Variants in ME3 observed in about 807,000 individuals in gnomAD.
ME3 encodes NADP-dependent malic enzyme, mitochondrial.
ME3 carries 48 observed loss-of-function variants against 68.9 expected under a neutral mutation model. That is an observed-to-expected ratio of 0.70 (90% CI 0.55 to 0.89). The LOEUF is 0.89. Ranked by LOEUF, ME3 falls within the 40% of genes least tolerant of loss-of-function variation. The pLI, the probability that ME3 is intolerant of heterozygous loss-of-function variation, is 0.00. For missense variants in ME3, 675 were observed against 797.4 expected (o/e 0.85, Z 1.85); for synonymous variants, 320 against 318.8 (o/e 1.00, Z -0.04).
chr11:86,496,643 C>T (rs547846493), intron 6 of ME3, among the ~76,000 whole-genome samples: 1 of 152,214 alleles, frequency 6.6e-6, no homozygotes, highest in South Asian at 2.1e-4. Flanking sequence ...GACAAAGACT[C>T]ATCTGCAAAA....
In ME3 at chr11:86,480,723, C is replaced by T. The variant is rs114325863; in HGVS notation, c.809+6614G>A. 6.1e-3 allele frequency among the ~76,000 whole-genome samples: 928 copies of T among 152,292 alleles called. 8 individuals carry two copies. Among genetic ancestry groups the T allele is most frequent in the African/African-American group, 0.021 (888 of 41,558 alleles). ...CACATGTAGAAATGCAATTATTCCC[C>T]GCATGAAAGCAGCTGAAGTTCCTCA... is the stretch of plus-strand genomic sequence containing the variant. On this transcript the variant is annotated intron_variant, in intron 7 of 14. Transcript: ENST00000543262.
chr11:86,554,856 G>C (rs1449636655), intron 4 of ME3, among the ~76,000 whole-genome samples: 1 of 152,182 alleles, frequency 6.6e-6, no homozygotes, highest in Non-Finnish European at 1.5e-5. Flanking sequence ...GACCCTTCAA[G>C]AAGTTTGTAT....
chr11:86,499,525 G>T (rs187782308), intron 5 of ME3, among the ~76,000 whole-genome samples: 5 of 152,262 alleles, frequency 3.3e-5, no homozygotes, highest in Non-Finnish European at 4.4e-5. Context: ...CTGGGCAATG[G>T]GGGTAAAGAG....
chr11:86,650,067 G>A (rs1647997932), intron 2 of ME3, among the ~76,000 whole-genome samples: 1 of 152,152 alleles, frequency 6.6e-6, no homozygotes, highest in Non-Finnish European at 1.5e-5. Context: ...ATACTACGAT[G>A]CTACAGTAAA....
intron 2 of ME3, among the ~76,000 whole-genome samples, chr11:86,653,508 C>A (rs1945624221): frequency 6.6e-6 from 1 of 152,082 alleles, no homozygotes; most frequent in African/African-American, 2.4e-5. Context: ...GGGTACATAA[C>A]AAAATGAAGG....
intron 7 of ME3, among the ~76,000 whole-genome samples, chr11:86,465,614 C>T (rs1950439812): frequency 6.6e-6 from 1 of 152,172 alleles, no homozygotes; most frequent in African/African-American, 2.4e-5. Flanking sequence ...ACCAGCTTCC[C>T]CACCACAAGT....
intron 7 of ME3, among the ~76,000 whole-genome samples, chr11:86,474,052 A>T (rs1474832371): frequency 6.6e-6 from 1 of 152,146 alleles, no homozygotes; most frequent in Admixed American, 6.5e-5. Flanking sequence ...TGGTCACCGG[A>T]GCTCCACTTG....
chr11:86,646,091 G>A (rs1944993227), intron 2 of ME3, among the ~76,000 whole-genome samples: 1 of 152,198 alleles, frequency 6.6e-6, no homozygotes, highest in Non-Finnish European at 1.5e-5. Flanking sequence ...CCACGAAGAT[G>A]AGGAAAAACC....
intron 2 of ME3, among the ~76,000 whole-genome samples, chr11:86,614,301 G>C (rs1942800689): frequency 6.6e-6 from 1 of 152,196 alleles, no homozygotes; most frequent in Non-Finnish European, 1.5e-5. Flanking sequence ...CAACACTGGA[G>C]ACTGCAAAGC....
chr11:86,532,001 A>G lies in ME3; in HGVS notation c.468-23134T>C, dbSNP rs112442772. Among the ~76,000 whole-genome samples, 32 of 151,566 alleles carry G rather than the reference A, an allele frequency of 2.1e-4. 1 individual carries two copies. The South Asian group carries it at 4.6e-3, about 22-fold the overall frequency. On this transcript the variant is annotated intron_variant, in intron 4 of 14. Transcript: ENST00000543262. ...TTAAAAAAAACCAAACCAAAAAAAA[A>G]CCAGAAACTGAAAGTGGAGGGATGG...
intron 2 of ME3, among the ~76,000 whole-genome samples, chr11:86,560,130 C>T (rs1328545514): frequency 6.6e-6 from 1 of 151,638 alleles, no homozygotes; most frequent in East Asian, 1.9e-4. Context: ...TCTCTGTGTC[C>T]CCACCCAAAT....
intron 2 of ME3, among the ~76,000 whole-genome samples, chr11:86,584,752 A>G (rs948661916): frequency 2.0e-5 from 3 of 152,230 alleles, no homozygotes; most frequent in Non-Finnish European, 4.4e-5. Flanking sequence ...TCCTACTCAT[A>G]GAAGCAAATA....
chr11:86,464,949 A>T (rs1418652253), intron 8 of ME3, 142 bp downstream of exon 8: 1 of 625,578 alleles, frequency 1.6e-6, no homozygotes, highest in South Asian at 1.9e-5. Flanking sequence ...AGTTGAATCT[A>T]AGTTTAATAT....
intron 2 of ME3, among the ~76,000 whole-genome samples, chr11:86,653,663 C>A (rs1460707094): frequency 2.0e-5 from 3 of 152,156 alleles, no homozygotes; most frequent in Non-Finnish European, 2.9e-5. Context: ...ACAATTGACA[C>A]CCTAACATCA....
intron 7 of ME3, among the ~76,000 whole-genome samples, chr11:86,468,638 C>A (rs1185366933): frequency 6.6e-6 from 1 of 152,204 alleles, no homozygotes; most frequent in African/African-American, 2.4e-5. Context: ...GAGAAAATTT[C>A]AAAGTGGAAA....
intron 2 of ME3, among the ~76,000 whole-genome samples, chr11:86,654,052 T>G (rs894332954): frequency 1.1e-4 from 16 of 152,058 alleles, no homozygotes; most frequent in African/African-American, 1.9e-4. Context: ...CCAGGAAGAA[T>G]TTGAATCTCT....
intron 2 of ME3, among the ~76,000 whole-genome samples, chr11:86,629,720 G>T (rs544575951): frequency 2.6e-5 from 4 of 152,182 alleles, no homozygotes; most frequent in Non-Finnish European, 5.9e-5. Flanking sequence ...ACACAAGCCA[G>T]GAGTATTTGA....
intron 8 of ME3, among the ~76,000 whole-genome samples, chr11:86,451,108 A>G (rs1949610498): frequency 6.6e-6 from 1 of 152,224 alleles, no homozygotes; most frequent in Non-Finnish European, 1.5e-5. Flanking sequence ...CAGCCCCAAT[A>G]AAAGGTAATG....
At chr11:86,650,410 T>A (rs1945323112) in intron 2 of ME3, among the ~76,000 whole-genome samples, 1 of 152,226 alleles carries the variant, frequency 6.6e-6, no homozygotes, top group South Asian at 2.1e-4. Context: ...AAATACTTCA[T>A]GGCTAAAACA....
Sources: allele counts gnomAD v4.1 joint callset (sites outside exome capture counted in the v4.1 genomes callset), GRCh38; gene constraint gnomAD v4.1.1; transcripts MANE v1.5; gene names NCBI Gene and HGNC (gene_info 2026-07-23, HGNC 2026-07-21).